The following S100A5 variants were observed in gnomAD, a reference collection of about 807,000 sequenced individuals.
The protein encoded by S100A5 is S100 calcium binding protein A5.
S100A5 carries 5 observed loss-of-function variants against 6.7 expected under a neutral mutation model. The observed-to-expected ratio is 0.75, with a 90% CI of 0.39 to 1.57. The LOEUF (loss-of-function observed/expected upper bound fraction) is 1.57. Ranked by LOEUF, S100A5 falls within the 40% of genes most tolerant of loss-of-function variation. S100A5 has a pLI of 0.03. For missense variants in S100A5, 129 were observed against 110.8 expected, an observed-to-expected ratio of 1.16 and a Z score of -0.74; for synonymous variants, 49 against 44.9, an observed-to-expected ratio of 1.09 and a Z score of -0.37.
chr1:153,538,247 T>C (rs1163797083), intron 2 of S100A5, among the ~76,000 whole-genome samples: 1 of 152,164 alleles, frequency 6.6e-6, no homozygotes, highest in Non-Finnish European at 1.5e-5. Flanking sequence ...GCCTGGAGCC[T>C]GGTTGTGCAC....
Position 153,540,197 on chromosome 1 carries a change from T to C in S100A5, c.-6A>G, listed in dbSNP as rs1665340923. 3 of 1,614,100 alleles carry C rather than the reference T, an allele frequency of 1.9e-6. No individual in the cohort carries two copies. Among genetic ancestry groups the C allele is most frequent in the Non-Finnish European group, 8.5e-7 (1 of 1,179,970 alleles). On this transcript the variant is annotated 5_prime_UTR_variant, in exon 2 of 3. Coordinates refer to ENST00000368717, the MANE Select transcript of S100A5 (RefSeq NM_001394232.1). ...TTCTCCAGAGGAGTCTCCATCACAG[T>C]GTGCAGCTCTGTAGAGGGAGAGGGG... is the stretch of plus-strand genomic sequence containing the variant.
rs1665213829 is a variant in S100A5 at position 153,537,371 on chromosome 1, G to A, written c.204C>T (p.Asp68=). The change falls in exon 3 of 3, where the codon GAC becomes GAT. Residue 68 remains aspartate, a synonymous_variant. Coordinates refer to ENST00000368717, the MANE Select transcript of S100A5 (RefSeq NM_001394232.1). ...TCAGGAACACCGAGTACTCCTTGAAGTCGATCTCCTGGTCGCTGTTCTTGT... is the reference window on the plus strand; with the variant it reads ...TCAGGAACACCGAGTACTCCTTGAAATCGATCTCCTGGTCGCTGTTCTTGT... ...SLDKNSDQEI[D]FKEYSVFLTM... 6.2e-7 allele frequency: 1 copy of A among 1,614,196 alleles called. No homozygotes were observed. The highest frequency in any genetic ancestry group is 8.5e-7 in the Non-Finnish European group (1 of 1,180,026).
Position 153,537,336 on chromosome 1 carries a change from C to T in S100A5, c.239G>A (p.Cys80Tyr). Residue 80 changes from cysteine (C) to tyrosine (Y), a missense_variant, in exon 3 of 3, where the codon TGC (cysteine) becomes TAC (tyrosine). Physicochemically the swap from Cys to Tyr is radical, Grantham distance 194 (BLOSUM62 -2). Coordinates refer to ENST00000368717, the MANE Select transcript of S100A5 (RefSeq NM_001394232.1). ...KEYSVFLTML[C>Y]MAYNDFFLED... ...TAGAAAGAAGTCGTTGTAGGCCATG[C>T]ACAGCATGGTCAGGAACACCGAGTA... The T allele has an allele frequency of 6.2e-7, 1 of 1,614,136 alleles. No individual in the cohort carries two copies. The highest frequency in any genetic ancestry group is 8.5e-7 in the Non-Finnish European group (1 of 1,180,010).
chr1:153,541,829 T>A (rs1370929221), upstream of S100A5: 1 of 1,036,984 alleles, frequency 9.6e-7, no homozygotes, highest in Non-Finnish European at 1.2e-6. Flanking sequence ...CTCCCACCCA[T>A]CCTGCCACCC....
chr1:153,539,424 CAAAAAAAAA>C (rs149327889), intron 2 of S100A5, among the ~76,000 whole-genome samples: 34 of 35,124 alleles, frequency 9.7e-4, no homozygotes, highest in African/African-American at 3.4e-3. Flanking sequence ...GAGACTCTCT[CAAAAAAAAA>C]AAAAAAAAAA....
At chr1:153,540,417 C>T (rs1164468314) in intron 1 of S100A5, among the ~76,000 whole-genome samples, 1 of 152,150 alleles carries the variant, frequency 6.6e-6, no homozygotes, top group Non-Finnish European at 1.5e-5. Context: ...CAGCAAGACC[C>T]CAAAGGAGAC....
At chr1:153,539,479 ATT>A (rs1164610908) in intron 2 of S100A5, among the ~76,000 whole-genome samples, 12 of 119,676 alleles carry the variant, frequency 1.0e-4, no homozygotes, top group African/African-American at 3.7e-4. Flanking sequence ...ATATATATTT[ATT>A]TATTTATTTA....
At chr1:153,541,300 G>A (rs1166336832), upstream of S100A5, 2 of 1,138,542 alleles carry the variant, frequency 1.8e-6, no homozygotes, top group Non-Finnish European at 2.5e-6. Flanking sequence ...CTCCTTGGTG[G>A]AGGTCACCAC....
chr1:153,541,773 A>C, upstream of S100A5: 1 of 1,090,480 alleles, frequency 9.2e-7, no homozygotes, highest in South Asian at 2.3e-5. Context: ...GGACAAACAC[A>C]GGGCACCATC....
At chr1:153,543,371 T>G (rs1370219808), upstream of S100A5, 1 of 834,272 alleles carries the variant, frequency 1.2e-6, no homozygotes, top group Non-Finnish European at 1.4e-6. Flanking sequence ...CTGGCTGAGA[T>G]CCCACAGCTG....
chr1:153,541,656 C>A (rs766190125), upstream of S100A5: 1 of 1,154,286 alleles, frequency 8.7e-7, no homozygotes, highest in Admixed American at 4.1e-5. Flanking sequence ...ATCCCAGAAA[C>A]TTTACTCTTC....
intron 2 of S100A5, 118 bp downstream of exon 2, chr1:153,539,936 T>C: frequency 2.5e-6 from 3 of 1,202,234 alleles, no homozygotes. Flanking sequence ...TTTGTCTCTG[T>C]CTGTAGCCCT....
chr1:153,537,397 C>G lies in S100A5; in HGVS notation c.178G>C (p.Asp60His), dbSNP rs1277925334. ...TCGATCTCCTGGTCGCTGTTCTTGTCCAGGCTCTTCATCAAGTCATCGATG... is the reference window on the plus strand; with the variant it reads ...TCGATCTCCTGGTCGCTGTTCTTGTGCAGGCTCTTCATCAAGTCATCGATG... Reference protein sequence around the residue: ...SSIDDLMKSLDKNSDQEIDFK... With the variant: ...SSIDDLMKSLHKNSDQEIDFK... The change falls in exon 3 of 3, where the codon GAC becomes CAC. Residue 60 changes from aspartate to histidine, a missense_variant. Coordinates refer to ENST00000368717, the MANE Select transcript of S100A5 (RefSeq NM_001394232.1). 1 of 1,614,182 alleles carries G rather than the reference C, an allele frequency of 6.2e-7. No individual in the cohort carries two copies. The highest frequency in any genetic ancestry group is 1.7e-5 in the Admixed American group (1 of 60,020).
upstream of S100A5, chr1:153,541,532 C>T (rs1470984255): frequency 3.0e-6 from 4 of 1,324,852 alleles, no homozygotes; most frequent in East Asian, 4.9e-5. Context: ...AGGATGCCCA[C>T]GTCAGAGCCT....
At chr1:153,539,477 T>TATATATATATATATATATATATA (rs35924194) in intron 2 of S100A5, among the ~76,000 whole-genome samples, 1 of 73,038 alleles carries the variant, frequency 1.4e-5, no homozygotes, top group African/African-American at 6.0e-5. Context: ...ATATATATAT[T>TATATATATATATATATATATATA]TATTTATTTA....
At position 153,540,213 on chromosome 1, in the gene S100A5, G is replaced by A; in HGVS notation, c.-14-8C>T. 6.2e-7 allele frequency: 1 copy of A among 1,613,732 alleles called. No individual in the cohort carries two copies. Among genetic ancestry groups the A allele is most frequent in the Non-Finnish European group, 8.5e-7 (1 of 1,179,752 alleles). On this transcript the variant is annotated splice_polypyrimidine_tract_variant and splice_region_variant and intron_variant, in intron 1 of 2. Transcript: ENST00000368717. ...CCATCACAGTGTGCAGCTCTGTAGA[G>A]GGAGAGGGGAAGATCCCATTCCTCA...
intron 2 of S100A5, among the ~76,000 whole-genome samples, chr1:153,539,514 A>G (rs1303714841): frequency 6.9e-6 from 1 of 144,216 alleles, no homozygotes; most frequent in African/African-American, 2.6e-5. Context: ...TTGTATTATA[A>G]TAACCTCATG....
At chr1:153,540,410 C>G (rs1665348147) in intron 1 of S100A5, among the ~76,000 whole-genome samples, 1 of 152,210 alleles carries the variant, frequency 6.6e-6, no homozygotes. Flanking sequence ...AGGAGAACAG[C>G]AAGACCCCAA....
rs752535190 is a variant in S100A5 at position 153,537,299 on chromosome 1, CTTG to C, written c.273_275del (p.Asn91del). On this transcript the variant is annotated inframe_deletion, in exon 3 of 3. Transcript: ENST00000368717. ...TGAGGGTGGAGGGCAGCCCTGGTCA[CTTG>C]TTGTCCTCTAGAAAGAAGTCGTTGT... 95 of 1,613,382 alleles carry C rather than the reference CTTG, an allele frequency of 5.9e-5. No homozygotes were observed. The highest frequency in any genetic ancestry group is 7.2e-5 in the Non-Finnish European group (85 of 1,179,536).
Sources: gnomAD v4.1 joint callset for allele counts (sites outside exome capture counted in the v4.1 genomes callset) on GRCh38, gnomAD v4.1.1 for gene constraint, MANE v1.5 for transcripts, NCBI Gene and HGNC (gene_info 2026-07-23, HGNC 2026-07-21) for gene names.